TENM3: variants seen among roughly 807,000 people sequenced by gnomAD.
The protein encoded by TENM3 is teneurin-3.
TENM3 carries 63 observed loss-of-function variants against 255.1 expected under a neutral mutation model. That is an observed-to-expected ratio of 0.25 (90% confidence interval 0.20 to 0.30). The LOEUF (loss-of-function observed/expected upper bound fraction) is 0.30, where lower values mean the gene tolerates loss of function less well. TENM3 is among the 10% of genes least tolerant of loss of function. The pLI is 1.00. For synonymous variants in TENM3, 1,306 were observed against 1,322.3 expected (o/e 0.99, Z 0.27); for missense variants, 2,929 against 3,461.1 (o/e 0.85, Z 3.86).
chr4:182,240,084 C>T (rs1046016040), upstream of TENM3, among the ~76,000 whole-genome samples: 2 of 152,132 alleles, frequency 1.3e-5, no homozygotes, highest in African/African-American at 4.8e-5. Flanking sequence ...CTGATGACTG[C>T]AGTGGGGGAA....
the TENM3 span, among the ~76,000 whole-genome samples, chr4:181,808,145 A>G: frequency 2.7e-4 from 41 of 152,350 alleles, no homozygotes; most frequent in African/African-American, 9.6e-4. Flanking sequence ...AGGTTTCCAG[A>G]TAACCATTTT....
chr4:182,544,953 A>G (rs185298320), intron 3 of TENM3, among the ~76,000 whole-genome samples: 2 of 152,306 alleles, frequency 1.3e-5, no homozygotes, highest in East Asian at 1.9e-4. Flanking sequence ...GGAACCATCA[A>G]TCAGCGCATC....
At chr4:181,657,532 A>G in the TENM3 span, among the ~76,000 whole-genome samples, 3 of 152,208 alleles carry the variant, frequency 2.0e-5, no homozygotes, top group Non-Finnish European at 4.4e-5. Context: ...TGTTGGTGAT[A>G]CTGTTGGTGG....
chr4:182,797,515 G>C (rs1042734890), intron 27 of TENM3, among the ~76,000 whole-genome samples: 8 of 152,102 alleles, frequency 5.3e-5, no homozygotes, highest in Admixed American at 4.6e-4. Flanking sequence ...CCTCTGGTAA[G>C]GCTCCACCTA....
At chr4:182,229,633 T>TAC (rs1291284200) in intron 1 of TENM3, among the ~76,000 whole-genome samples, 1 of 151,364 alleles carries the variant, frequency 6.6e-6, no homozygotes, top group Non-Finnish European at 1.5e-5. Flanking sequence ...TATATATATA[T>TAC]ATACACACAC....
chr4:181,796,447 G>A, the TENM3 span, among the ~76,000 whole-genome samples: 516 of 152,334 alleles, frequency 3.4e-3, 3 homozygotes, highest in African/African-American at 0.012. Context: ...GATGGTCTTT[G>A]AGGATTCTGC....
chr4:182,008,069 G>A, the TENM3 span, among the ~76,000 whole-genome samples: 3 of 152,178 alleles, frequency 2.0e-5, no homozygotes, highest in Admixed American at 6.5e-5. Flanking sequence ...CTTCTGGCTT[G>A]TAGAGTTTCT....
At chr4:181,546,230 A>T in the TENM3 span, among the ~76,000 whole-genome samples, 1 of 152,152 alleles carries the variant, frequency 6.6e-6, no homozygotes, top group African/African-American at 2.4e-5. Flanking sequence ...GTATAGCTTC[A>T]TTTAGCTGTC....
At chr4:182,415,387 C>T (rs1770293561) in intron 3 of TENM3, among the ~76,000 whole-genome samples, 1 of 152,016 alleles carries the variant, frequency 6.6e-6, no homozygotes, top group African/African-American at 2.4e-5. Flanking sequence ...ATGTTATGAC[C>T]AAAATTAGTA....
chr4:182,744,093 C>CTTTTTTTTTTTTTTTTTTTTTTTTTTTT lies in TENM3; in HGVS notation c.3629+697_3629+698insTTTTTTTTTTTTTTTTTTTTTTTTTTTT, dbSNP rs957977132. 2.1e-5 allele frequency: 8 copies of CTTTTTTTTTTTTTTTTTTTTTTTTTTTT among 389,970 alleles called. 1 individual carries two copies. The highest frequency in any genetic ancestry group is 9.5e-5 in the African/African-American group (3 of 31,490). 24.2% of individuals were successfully genotyped at this position (389,970 alleles called of 1,614,324 possible). ...TAGAAGGCTTTTCTAACTGTGCTTTCTTTTTTTTTTTTTTTTTTTTTTTAC... is the reference window on the plus strand; with the variant it reads ...TAGAAGGCTTTTCTAACTGTGCTTTCTTTTTTTTTTTTTTTTTTTTTTTTTTTTTTTTTTTTTTTTTTTTTTTTTTTAC... On this transcript the variant is annotated intron_variant, in intron 19 of 27. Coordinates refer to ENST00000511685, the MANE Select transcript of TENM3 (RefSeq NM_001080477.4).
the TENM3 span, among the ~76,000 whole-genome samples, chr4:181,467,103 G>GTATA: frequency 2.1e-4 from 14 of 66,328 alleles, no homozygotes; most frequent in East Asian, 6.4e-4. Context: ...GTGTGTGTGT[G>GTATA]TATATATATA....
the TENM3 span, among the ~76,000 whole-genome samples, chr4:181,610,870 C>G: frequency 1.3e-5 from 2 of 152,016 alleles, no homozygotes; most frequent in Admixed American, 6.6e-5. Flanking sequence ...TGTTCTCCGA[C>G]CAAAAGATTG....
At chr4:182,170,039 T>A (rs981677014) in intron 1 of TENM3, among the ~76,000 whole-genome samples, 1 of 150,782 alleles carries the variant, frequency 6.6e-6, no homozygotes, top group Non-Finnish European at 1.5e-5. Context: ...TGTTTTGAGA[T>A]GCATACTAGA....
the TENM3 span, among the ~76,000 whole-genome samples, chr4:182,106,771 T>C: frequency 6.6e-6 from 1 of 152,064 alleles, no homozygotes; most frequent in Non-Finnish European, 1.5e-5. Context: ...TATTAAATAG[T>C]GTTAGTATTC....
the TENM3 span, among the ~76,000 whole-genome samples, chr4:182,035,961 C>T: frequency 6.6e-6 from 1 of 152,194 alleles, no homozygotes; most frequent in South Asian, 2.1e-4. Context: ...CCTCCTCAAA[C>T]TCACCATTCT....
At chr4:181,541,428 CT>C in the TENM3 span, among the ~76,000 whole-genome samples, 504 of 152,064 alleles carry the variant, frequency 3.3e-3, 4 homozygotes, top group African/African-American at 0.012. Context: ...AATTGAGCAG[CT>C]ACTCAAAATT....
At chr4:182,108,092 T>C in the TENM3 span, among the ~76,000 whole-genome samples, 1 of 152,144 alleles carries the variant, frequency 6.6e-6, no homozygotes, top group Non-Finnish European at 1.5e-5. Flanking sequence ...ATTGCTTCAG[T>C]CTCCACTTAG....
At chr4:181,624,684 T>TATGC in the TENM3 span, among the ~76,000 whole-genome samples, 1 of 152,372 alleles carries the variant, frequency 6.6e-6, no homozygotes, top group South Asian at 2.1e-4. Context: ...GCTTTCTCCC[T>TATGC]AGCCATCTAT....
At chr4:181,906,587 T>C in the TENM3 span, 2 of 152,266 alleles carry the variant, frequency 1.3e-5, no homozygotes, top group African/African-American at 4.8e-5. Flanking sequence ...TCACAGACTT[T>C]GTGCTCCTAA....
Sources: allele counts gnomAD v4.1 joint callset (sites outside exome capture counted in the v4.1 genomes callset), GRCh38; gene constraint gnomAD v4.1.1; transcripts MANE v1.5; gene names NCBI Gene and HGNC (gene_info 2026-07-23, HGNC 2026-07-21).